CCDC61: variants seen among roughly 807,000 people sequenced by gnomAD.
CCDC61 encodes the protein centrosomal protein CCDC61.
A neutral mutation model predicts 63.0 loss-of-function variants in CCDC61; 55 were observed. The observed-to-expected ratio is 0.87, with a 90% CI of 0.70 to 1.09. CCDC61 has a LOEUF of 1.09. Ranked by LOEUF, CCDC61 falls within the 50% of genes least tolerant of loss-of-function variation. The pLI is 0.00. For missense variants in CCDC61, 651 were observed against 731.4 expected, an observed-to-expected ratio of 0.89 and a Z score of 1.27; for synonymous variants, 270 against 317.0, an observed-to-expected ratio of 0.85 and a Z score of 1.58.
chr19:46,002,999 C>A lies in CCDC61; in HGVS notation c.-11-9C>A, dbSNP rs1968619373. On this transcript the variant is annotated splice_polypyrimidine_tract_variant and intron_variant, in intron 1 of 13. Transcript: ENST00000595358. ...CTCCTCTAGGTTTCTCTCTCATCTC[C>A]TTCTCCAGCAACCTTGGCCATGGAC... 1.9e-6 allele frequency: 3 copies of A among 1,552,518 alleles called. No individual in the cohort carries two copies. The highest frequency in any genetic ancestry group is 2.6e-6 in the Non-Finnish European group (3 of 1,147,336).
intron 5 of CCDC61, among the ~76,000 whole-genome samples, chr19:46,014,304 A>G (rs1480740595): frequency 6.6e-6 from 1 of 151,738 alleles, no homozygotes; most frequent in African/African-American, 2.4e-5. Flanking sequence ...TCCCCCATAG[A>G]TTTTGGTTTA....
chr19:46,018,129 G>A lies in CCDC61; in HGVS notation c.1420G>A (p.Gly474Arg), dbSNP rs564166515. Reference protein sequence around the residue: ...SHHQKSLANSGGWVPIKEYSS... With the variant: ...SHHQKSLANSRGWVPIKEYSS... ...CCATCAGAAATCTCTGGCCAACTCC[G>A]GGGGCTGGGTCCCCATCAAAGGTGA... Residue 474 changes from glycine to arginine, a missense_variant, in exon 13 of 14, where the codon GGG becomes AGG. Gly to Arg is a moderately radical substitution (Grantham distance 125). Transcript: ENST00000595358. The surrounding 1 kb of genome is among the most constrained non-coding windows in gnomAD (Gnocchi z 4.2). 8.7e-6 allele frequency: 14 copies of A among 1,608,420 alleles called. No homozygotes were observed. The highest frequency in any genetic ancestry group is 5.4e-5 in the African/African-American group (4 of 74,752).
chr19:46,005,771 C>T (rs1167761187), intron 3 of CCDC61, among the ~76,000 whole-genome samples: 2 of 151,268 alleles, frequency 1.3e-5, no homozygotes, highest in African/African-American at 4.9e-5. Flanking sequence ...TCTAAATAAC[C>T]ATAGTTTTGT....
intron 1 of CCDC61, 73 bp from the exon 2 acceptor site, chr19:46,002,935 T>C (rs960330720): frequency 7.0e-7 from 1 of 1,433,708 alleles, no homozygotes; most frequent in African/African-American, 1.4e-5. Flanking sequence ...AGCCAGGATA[T>C]GAGGCCTGGC....
chr19:46,011,906 G>C (rs942526224), intron 5 of CCDC61, among the ~76,000 whole-genome samples: 1 of 152,118 alleles, frequency 6.6e-6, no homozygotes, highest in Admixed American at 6.6e-5. Flanking sequence ...GGGTTCAAGC[G>C]ATTCTCCTGC....
intron 3 of CCDC61, among the ~76,000 whole-genome samples, chr19:46,003,797 A>G (rs185699372): frequency 1.4e-4 from 21 of 149,280 alleles, no homozygotes; most frequent in African/African-American, 4.2e-4. Flanking sequence ...TCCTTTCTCC[A>G]TGTCTCTGTT....
chr19:46,010,722 C>T (rs573117569), intron 5 of CCDC61, among the ~76,000 whole-genome samples: 19 of 152,356 alleles, frequency 1.2e-4, no homozygotes, highest in East Asian at 3.9e-4. Context: ...ATAATTTGCA[C>T]GTACTTGTCC....
Position 46,016,403 on chromosome 19 carries a change from C to T in CCDC61, c.1091+10C>T. On this transcript the variant is annotated intron_variant, in intron 9 of 13. Coordinates refer to ENST00000595358, the MANE Select transcript of CCDC61 (RefSeq NM_001267723.2). The surrounding 1 kb of genome is among the most constrained non-coding windows in gnomAD (Gnocchi z 7.2). Reference sequence around the variant, plus strand: ...GAGAGATCCAGATGAAGTCAGTGCCCCTTCCTCCCTCACCTGCCCCTGTCC... The same window carrying T: ...GAGAGATCCAGATGAAGTCAGTGCCTCTTCCTCCCTCACCTGCCCCTGTCC... 6.2e-7 allele frequency: 1 copy of T among 1,613,262 alleles called. No homozygotes were observed. Among genetic ancestry groups the T allele is most frequent in the Middle Eastern group, 1.7e-4 (1 of 6,060 alleles).
At chr19:46,010,205 G>C (rs1280747860) in intron 5 of CCDC61, among the ~76,000 whole-genome samples, 1 of 152,206 alleles carries the variant, frequency 6.6e-6, no homozygotes, top group Non-Finnish European at 1.5e-5. Flanking sequence ...TCACAGATGA[G>C]AAAAGATGGC....
At chr19:46,003,570 C>G in intron 3 of CCDC61, 69 bp downstream of exon 3, 1 of 1,103,040 alleles carries the variant, frequency 9.1e-7, no homozygotes, top group Non-Finnish European at 1.4e-6. Flanking sequence ...GGGGTTGATG[C>G]CCATCTGATG....
At chr19:46,010,093 A>G (rs1968800110) in intron 5 of CCDC61, among the ~76,000 whole-genome samples, 1 of 152,236 alleles carries the variant, frequency 6.6e-6, no homozygotes, top group Non-Finnish European at 1.5e-5. Flanking sequence ...TGCCAGGCAC[A>G]CTGCCTGACG....
In CCDC61 at chr19:46,006,716, G is replaced by C; in HGVS notation, c.389G>C (p.Arg130Thr). The C allele has an allele frequency of 1.9e-6, 3 of 1,602,182 alleles. No individual in the cohort carries two copies. Among genetic ancestry groups the C allele is most frequent in the South Asian group, 1.1e-5 (1 of 90,428 alleles). ...CTCATCTACTCCGTGGAGTTTGACA[G>C]GTGGGGAGAAGGGTCTGGCTCCAGG... ...LILIYSVEFD[R>T]IHYPLPLPYQ... is the part of the protein sequence containing the mutation. Residue 130 changes from arginine to threonine, a missense_variant and splice_region_variant, in exon 4 of 14, where the codon AGG (arginine) becomes ACG (threonine). By Grantham distance (71) the Arg-to-Thr change is moderately conservative. Coordinates refer to ENST00000595358, the MANE Select transcript of CCDC61 (RefSeq NM_001267723.2).
intron 5 of CCDC61, among the ~76,000 whole-genome samples, chr19:46,009,757 C>A (rs1600649058): frequency 6.6e-6 from 1 of 152,178 alleles, no homozygotes; most frequent in South Asian, 2.1e-4. Flanking sequence ...CCGAGGAAGG[C>A]CGCAGTGGGG....
At chr19:46,000,931 C>T (rs1968578570) in intron 1 of CCDC61, among the ~76,000 whole-genome samples, 1 of 151,724 alleles carries the variant, frequency 6.6e-6, no homozygotes, top group South Asian at 2.1e-4. Flanking sequence ...GGCGGGGATG[C>T]GGTGTGGCGG....
In CCDC61 at chr19:46,016,978, C is replaced by G; in HGVS notation, c.1232-13C>G. On this transcript the variant is annotated splice_polypyrimidine_tract_variant and intron_variant, in intron 10 of 13. Coordinates refer to ENST00000595358, the MANE Select transcript of CCDC61 (RefSeq NM_001267723.2). The surrounding 1 kb of genome is among the most constrained non-coding windows in gnomAD (Gnocchi z 7.2). ...AGCGAGGGCCAGCGGTCACGCCCTC[C>G]GTCTCCCTCTAGTGGACAGTTTCCG... 1.9e-6 allele frequency: 3 copies of G among 1,607,478 alleles called. No individual in the cohort carries two copies. In the South Asian group the frequency reaches 3.3e-5, roughly 18 times the overall value.
intron 3 of CCDC61, among the ~76,000 whole-genome samples, chr19:46,005,802 TC>T (rs1363922404): frequency 2.6e-5 from 4 of 151,932 alleles, no homozygotes; most frequent in Non-Finnish European, 5.9e-5. Flanking sequence ...TTTTTTTTTT[TC>T]AAGTAAAAAT....
rs375059660 is a variant in CCDC61, at chr19:46,017,083, T to A, written c.1310+14T>A. 20 of 1,609,800 alleles carry A rather than the reference T, an allele frequency of 1.2e-5. 1 individual carries two copies. The South Asian group carries it at 1.8e-4, about 14-fold the overall frequency. On this transcript the variant is annotated intron_variant, in intron 11 of 13. Transcript: ENST00000595358. ...GCTCTCCAGAGGGTAAAACTTGAAC[T>A]TGGGAAAAGGATCGCCTCCAAAGGG... is the stretch of plus-strand genomic sequence containing the variant.
At chr19:46,008,095 A>C in intron 4 of CCDC61, 45 bp from the exon 5 acceptor site, 1 of 1,544,484 alleles carries the variant, frequency 6.5e-7, no homozygotes. Context: ...CCTCAGGTGC[A>C]TTCTTGGCCT....
In CCDC61 at chr19:46,018,376, A is replaced by G. The variant is rs2059370928; in HGVS notation, c.1528A>G (p.Met510Val). 2 of 1,568,326 alleles carry G rather than the reference A, an allele frequency of 1.3e-6. No homozygotes were observed. Among genetic ancestry groups the G allele is most frequent in the African/African-American group, 2.7e-5 (2 of 73,718 alleles). Residue 510 changes from methionine to valine, a missense_variant, in exon 14 of 14, where the codon ATG becomes GTG. Met to Val is a conservative substitution (Grantham distance 21, BLOSUM62 1). Transcript: ENST00000595358. The surrounding 1 kb of genome is among the most constrained non-coding windows in gnomAD (Gnocchi z 4.2). ...ALQEYMNRLD[M>V]RS ...GCAGGAGTACATGAACCGACTGGAC[A>G]TGCGGTCATAACGTGGAGAAGGGGT...
Sources: gnomAD v4.1 joint callset for allele counts (sites outside exome capture counted in the v4.1 genomes callset) on GRCh38, gnomAD v4.1.1 for gene constraint, Gnocchi (gnomAD v3.1) non-coding constraint, MANE v1.5 for transcripts, NCBI Gene and HGNC (gene_info 2026-07-23, HGNC 2026-07-21) for gene names.